The following MET variants were observed in gnomAD, a reference collection of about 807,000 sequenced individuals.
MET encodes hepatocyte growth factor receptor.
A neutral mutation model predicts 133.1 loss-of-function variants in MET; 48 were observed. That is an observed-to-expected ratio of 0.36 (90% CI 0.29 to 0.46). MET has a LOEUF of 0.46. Ranked by LOEUF, MET falls within the 20% of genes least tolerant of loss-of-function variation. The pLI is 1.00. For synonymous variants in MET, 628 were observed against 616.5 expected, an observed-to-expected ratio of 1.02 and a Z score of -0.28; for missense variants, 1,442 against 1,695.9, an observed-to-expected ratio of 0.85 and a Z score of 2.63.
chr7:116,696,313 C>T (rs186703671), intron 1 of MET, among the ~76,000 whole-genome samples: 2 of 152,228 alleles, frequency 1.3e-5, no homozygotes, highest in African/African-American at 4.8e-5. Flanking sequence ...TCTTTGTAGA[C>T]ATCCAATAAA....
rs527656939 is a variant in MET, at chr7:116,674,135, C to T, written c.-15+1558C>T. 2.0e-5 allele frequency among the ~76,000 whole-genome samples: 3 copies of T among 152,224 alleles called. No homozygotes were observed. In the East Asian group the frequency reaches 5.8e-4, roughly 29 times the overall value. ...TTGTGGCATATAGAAGACAGTCTGC[C>T]GACTACTGCTTTTTCAAAATTGCTT... On this transcript the variant is annotated intron_variant, in intron 1 of 20. Transcript: ENST00000397752.
intron 1 of MET, among the ~76,000 whole-genome samples, chr7:116,695,376 G>A (rs1201032934): frequency 6.6e-6 from 1 of 152,174 alleles, no homozygotes; most frequent in Non-Finnish European, 1.5e-5. Context: ...GCAAAACAAT[G>A]AGAATTACAG....
chr7:116,787,636 GCCTCATGACCTAATTA>G (rs373842187), intron 19 of MET, among the ~76,000 whole-genome samples: 323 of 152,312 alleles, frequency 2.1e-3, no homozygotes, highest in African/African-American at 7.2e-3. Context: ...TGAGAGTAGA[GCCTCATGACCTAATTA>G]CCTCTTAAAG....
intron 1 of MET, 120 bp from the exon 2 acceptor site, chr7:116,698,951 C>T (rs1797059419): frequency 7.1e-7 from 1 of 1,404,638 alleles, no homozygotes; most frequent in Admixed American, 2.1e-5. Flanking sequence ...TTTTGTTTTC[C>T]TTCTATGTAA....
At chr7:116,784,885 T>C (rs1562936683) in intron 19 of MET, among the ~76,000 whole-genome samples, 1 of 152,186 alleles carries the variant, frequency 6.6e-6, no homozygotes, top group Non-Finnish European at 1.5e-5. Context: ...CCCTTCTGCC[T>C]ATGAGCCTGT....
At chr7:116,792,481 A>ACACG (rs1795539262) in intron 19 of MET, among the ~76,000 whole-genome samples, 1 of 141,480 alleles carries the variant, frequency 7.1e-6, no homozygotes, top group South Asian at 2.4e-4. Flanking sequence ...ACACACACAC[A>ACACG]CACACACACA....
chr7:116,763,579 A>G (rs1794491648), intron 11 of MET, among the ~76,000 whole-genome samples: 1 of 152,322 alleles, frequency 6.6e-6, no homozygotes, highest in Non-Finnish European at 1.5e-5. Flanking sequence ...TTCCCCGGAC[A>G]TGTTACCTAA....
Position 116,796,252 on chromosome 7 carries a change from T to G in MET, c.*128T>G. 1 of 859,690 alleles carries G rather than the reference T, an allele frequency of 1.2e-6. No homozygotes were observed. Among genetic ancestry groups the G allele is most frequent in the Non-Finnish European group, 1.9e-6 (1 of 517,136 alleles). The allele number at this position is 859,690 out of a possible 1,614,324, so 53.3% of individuals were successfully genotyped here. A position where few individuals can be genotyped will look rare whatever the true frequency, so the allele number is the denominator to read the frequency against. The stretch of plus-strand genomic sequence containing the variant: ...CACTATTATAGGACTTGTATTGTTA[T>G]TTAAATTACTGGATTCTAAGGAATT... On this transcript the variant is annotated 3_prime_UTR_variant, in exon 21 of 21. Transcript: ENST00000397752.
rs1020173809 is a variant in MET at position 116,798,110 on chromosome 7, A to T, written c.*1986A>T. On this transcript the variant is annotated 3_prime_UTR_variant, in exon 21 of 21. Coordinates refer to ENST00000397752, the MANE Select transcript of MET (RefSeq NM_000245.4). ...GTCTCTACCAGGGTCAAGAGCATGAACGCATCAATAGAAAGAACTCGGGGA... is the reference window on the plus strand; with the variant it reads ...GTCTCTACCAGGGTCAAGAGCATGATCGCATCAATAGAAAGAACTCGGGGA... 2 of 220,968 alleles carry T rather than the reference A, an allele frequency of 9.1e-6. No homozygotes were observed. The highest frequency in any genetic ancestry group is 4.5e-5 in the African/African-American group (2 of 44,650). The allele number at this position is 220,968 out of a possible 1,614,324, so 13.7% of individuals were successfully genotyped here.
intron 11 of MET, among the ~76,000 whole-genome samples, chr7:116,768,282 C>A (rs933777285): frequency 6.6e-6 from 1 of 152,140 alleles, no homozygotes; most frequent in African/African-American, 2.4e-5. Context: ...GACCTTTTCT[C>A]ATAAATCAAA....
At chr7:116,742,988 G>C (rs1793521899) in intron 5 of MET, among the ~76,000 whole-genome samples, 2 of 152,244 alleles carry the variant, frequency 1.3e-5, no homozygotes, top group Admixed American at 1.3e-4. Flanking sequence ...CTCGCAGCAA[G>C]ATCAGTGCAG....
At chr7:116,688,230 C>CTT (rs574732421) in intron 1 of MET, among the ~76,000 whole-genome samples, 5 of 145,556 alleles carry the variant, frequency 3.4e-5, no homozygotes, top group African/African-American at 1.0e-4. Flanking sequence ...TTGATTGCCT[C>CTT]TTTTTTTTTT....
chr7:116,759,922 C>A (rs1029156431), intron 10 of MET, among the ~76,000 whole-genome samples: 1 of 152,064 alleles, frequency 6.6e-6, no homozygotes, highest in African/African-American at 2.4e-5. Flanking sequence ...ACTACAGGCA[C>A]GAGCCATCAT....
chr7:116,682,544 A>T (rs537120016), intron 1 of MET, among the ~76,000 whole-genome samples: 1 of 152,346 alleles, frequency 6.6e-6, no homozygotes, highest in South Asian at 2.1e-4. Context: ...CATAGACCTG[A>T]TGAATTATAT....
chr7:116,704,205 T>A (rs960516478), intron 2 of MET, among the ~76,000 whole-genome samples: 3 of 152,006 alleles, frequency 2.0e-5, no homozygotes, highest in Admixed American at 2.0e-4. Context: ...TTGTGAAAAT[T>A]TGGGATAATA....
chr7:116,788,796 C>G (rs895558647), intron 19 of MET, among the ~76,000 whole-genome samples: 1 of 152,152 alleles, frequency 6.6e-6, no homozygotes, highest in African/African-American at 2.4e-5. Flanking sequence ...TTGAAACCTG[C>G]GACCAAAAAC....
rs1468238923 is a variant in MET at position 116,695,663 on chromosome 7, G to A, written c.-14-3408G>A. The A allele has an allele frequency of 1.3e-4, 49 of 373,928 alleles. 1 individual carries two copies. Among genetic ancestry groups the A allele is most frequent in the South Asian group, 7.5e-4 (36 of 48,194 alleles). The allele number at this position is 373,928 out of a possible 1,614,324, so 23.2% of individuals were successfully genotyped here. Reference sequence around the variant, plus strand: ...ATGGATGGGTTCTTGTTAGCCAGACGTGGAATTGAATCTTGGTTCTAACTG... The same window carrying A: ...ATGGATGGGTTCTTGTTAGCCAGACATGGAATTGAATCTTGGTTCTAACTG... On this transcript the variant is annotated intron_variant, in intron 1 of 20. Coordinates refer to ENST00000397752, the MANE Select transcript of MET (RefSeq NM_000245.4).
chr7:116,768,390 G>A (rs151289561), intron 11 of MET, among the ~76,000 whole-genome samples: 86 of 152,250 alleles, frequency 5.6e-4, no homozygotes, highest in African/African-American at 1.9e-3. Context: ...CCAACAAGTT[G>A]TCGTTTGAAG....
intron 12 of MET, among the ~76,000 whole-genome samples, chr7:116,770,390 T>A (rs1046334826): frequency 3.9e-5 from 6 of 152,204 alleles, no homozygotes; most frequent in Non-Finnish European, 8.8e-5. Flanking sequence ...TATATTATAT[T>A]GTCAATTTCT....
Sources: gnomAD v4.1 joint callset for allele counts (sites outside exome capture counted in the v4.1 genomes callset) on GRCh38, gnomAD v4.1.1 for gene constraint, MANE v1.5 for transcripts, NCBI Gene and HGNC (gene_info 2026-07-23, HGNC 2026-07-21) for gene names.